Variants in MECOM observed in about 807,000 individuals in gnomAD.
The protein encoded by MECOM is histone-lysine N-methyltransferase MECOM.
Under a neutral mutation model 116.3 loss-of-function variants are expected in MECOM, and 13 were observed. The ratio of observed to expected loss-of-function variants is 0.11; its 90% CI spans 0.07 to 0.18. The LOEUF (loss-of-function observed/expected upper bound fraction) is 0.18, where lower values mean the gene tolerates loss of function less well. Among genes scored for constraint, MECOM ranks in the 10% least tolerant of loss-of-function variants. MECOM has a pLI of 1.00. For missense variants in MECOM, 1,299 were observed against 1,509.0 expected, an observed-to-expected ratio of 0.86 and a Z score of 2.31; for synonymous variants, 528 against 535.2, an observed-to-expected ratio of 0.99 and a Z score of 0.19.
intron 2 of MECOM, among the ~76,000 whole-genome samples, chr3:169,235,960 G>T (rs369109316): frequency 3.3e-5 from 5 of 151,124 alleles, no homozygotes; most frequent in African/African-American, 1.2e-4. Context: ...AGAAAGACAC[G>T]CATTCAGTAG....
intron 12 of MECOM, among the ~76,000 whole-genome samples, chr3:169,100,191 C>A (rs1164492253): frequency 1.3e-5 from 2 of 149,764 alleles, no homozygotes; most frequent in African/African-American, 4.9e-5. Flanking sequence ...CTCCACCTCC[C>A]AGGTGCAGTG....
chr3:169,485,944 T>TATATA lies in MECOM; in HGVS notation c.38-104421_38-104420insTATAT, dbSNP rs1491555135. ...ATATAGTATATATAGTATATATGTA[T>TATATA]GTATATATGTACATATATACTATAT... On this transcript the variant is annotated intron_variant, in intron 1 of 16. Transcript: ENST00000651503. Among the ~76,000 whole-genome samples, 978 of 101,292 alleles carry TATATA rather than the reference T, an allele frequency of 9.7e-3. 69 individuals carry two copies. Among genetic ancestry groups the TATATA allele is most frequent in the African/African-American group, 0.037 (888 of 23,962 alleles). The allele number at this position is 101,292 out of a possible 152,430, so 66.5% of individuals were successfully genotyped here. A position where few individuals can be genotyped will look rare whatever the true frequency, so the allele number is the denominator to read the frequency against.
chr3:169,432,161 C>T (rs1560266317), intron 1 of MECOM, among the ~76,000 whole-genome samples: 1 of 149,278 alleles, frequency 6.7e-6, no homozygotes, highest in Non-Finnish European at 1.5e-5. Context: ...GATAGTACTA[C>T]TGTCTTTTTT....
chr3:169,224,518 G>C (rs552089646), intron 2 of MECOM, among the ~76,000 whole-genome samples: 2 of 152,290 alleles, frequency 1.3e-5, no homozygotes, highest in Non-Finnish European at 1.5e-5. Context: ...GAAAAGTACA[G>C]TGCTATCCTG....
intron 2 of MECOM, among the ~76,000 whole-genome samples, chr3:169,188,429 A>G (rs1243041029): frequency 6.6e-6 from 1 of 152,058 alleles, no homozygotes; most frequent in Admixed American, 6.6e-5. Context: ...AAAATAGAGA[A>G]TTAAGGAAGA....
chr3:169,461,188 T>A (rs769957218), intron 1 of MECOM, among the ~76,000 whole-genome samples: 16 of 152,130 alleles, frequency 1.1e-4, no homozygotes, highest in Non-Finnish European at 2.1e-4. Context: ...CCACCCCTAC[T>A]CTCTTATTTT....
chr3:169,498,607 C>T (rs1754127637), intron 1 of MECOM, among the ~76,000 whole-genome samples: 1 of 152,164 alleles, frequency 6.6e-6, no homozygotes, highest in Non-Finnish European at 1.5e-5. Context: ...GTTCTATCCA[C>T]ACTATCACAA....
At chr3:169,463,340 G>A (rs1046891848) in intron 1 of MECOM, among the ~76,000 whole-genome samples, 2 of 152,120 alleles carry the variant, frequency 1.3e-5, no homozygotes, top group African/African-American at 4.8e-5. Context: ...TACTTAGTTT[G>A]TTGTTCAGAT....
chr3:169,188,448 T>C (rs1222780575), intron 2 of MECOM, among the ~76,000 whole-genome samples: 1 of 151,860 alleles, frequency 6.6e-6, no homozygotes, highest in Non-Finnish European at 1.5e-5. Flanking sequence ...GAAAACAAGG[T>C]CAATTTGACC....
intron 13 of MECOM, among the ~76,000 whole-genome samples, chr3:169,093,860 A>C (rs1443692848): frequency 6.6e-6 from 1 of 152,224 alleles, no homozygotes; most frequent in Non-Finnish European, 1.5e-5. Context: ...GTAATATAAT[A>C]GTTCATCACA....
At chr3:169,262,769 T>C (rs1757717860) in intron 2 of MECOM, among the ~76,000 whole-genome samples, 1 of 152,138 alleles carries the variant, frequency 6.6e-6, no homozygotes, top group African/African-American at 2.4e-5. Flanking sequence ...GATTTATCTG[T>C]TGAGGCAGCT....
At chr3:169,261,949 G>C (rs1462393742) in intron 2 of MECOM, among the ~76,000 whole-genome samples, 1 of 152,190 alleles carries the variant, frequency 6.6e-6, no homozygotes, top group African/African-American at 2.4e-5. Context: ...CATTTTAACA[G>C]AAGCAATTGC....
intron 2 of MECOM, among the ~76,000 whole-genome samples, chr3:169,319,084 T>G (rs1298256059): frequency 1.4e-5 from 2 of 144,988 alleles, no homozygotes; most frequent in Non-Finnish European, 3.0e-5. Flanking sequence ...GGTGACAGAG[T>G]GAGACTCTGT....
intron 2 of MECOM, among the ~76,000 whole-genome samples, chr3:169,170,873 C>A (rs1195145966): frequency 6.6e-6 from 1 of 152,196 alleles, no homozygotes; most frequent in African/African-American, 2.4e-5. Context: ...ACACCATAGA[C>A]AATTTGATTC....
At chr3:169,257,956 C>T (rs1757052651) in intron 2 of MECOM, among the ~76,000 whole-genome samples, 1 of 152,324 alleles carries the variant, frequency 6.6e-6, no homozygotes, top group South Asian at 2.1e-4. Flanking sequence ...CATGGCGGCG[C>T]ATGCCCGCAA....
At chr3:169,390,072 T>C (rs926910776) in intron 1 of MECOM, among the ~76,000 whole-genome samples, 2 of 152,136 alleles carry the variant, frequency 1.3e-5, no homozygotes, top group Non-Finnish European at 2.9e-5. Flanking sequence ...TGCGTCAATA[T>C]GTTGCTGAAC....
chr3:169,318,896 C>T (rs1553803621), intron 2 of MECOM, among the ~76,000 whole-genome samples: 2 of 152,054 alleles, frequency 1.3e-5, no homozygotes, highest in Middle Eastern at 3.4e-3. Flanking sequence ...GTCAGGAGTT[C>T]GAGACCAGCC....
intron 2 of MECOM, among the ~76,000 whole-genome samples, chr3:169,262,187 A>G (rs1560059633): frequency 6.6e-6 from 1 of 152,212 alleles, no homozygotes; most frequent in Non-Finnish European, 1.5e-5. Context: ...TTTTGGACAA[A>G]GACTGTTGCT....
At chr3:169,251,325 A>T (rs907665391) in intron 2 of MECOM, among the ~76,000 whole-genome samples, 3 of 152,206 alleles carry the variant, frequency 2.0e-5, no homozygotes, top group African/African-American at 7.2e-5. Context: ...CAGCATTTCC[A>T]TTACAAATCC....
Sources: gnomAD v4.1 joint callset for allele counts (sites outside exome capture counted in the v4.1 genomes callset) on GRCh38, gnomAD v4.1.1 for gene constraint, MANE v1.5 for transcripts, NCBI Gene and HGNC (gene_info 2026-07-23, HGNC 2026-07-21) for gene names.